Variants in FRS2 observed in about 807,000 individuals in gnomAD.
FRS2 encodes the protein FGFR signalling adaptor.
FRS2 carries 8 observed loss-of-function variants against 43.9 expected under a neutral mutation model. The observed-to-expected ratio is 0.18, with a 90% CI of 0.11 to 0.33. The LOEUF (loss-of-function observed/expected upper bound fraction) is 0.33. Among genes scored for constraint, FRS2 ranks in the 10% least tolerant of loss-of-function variants. The probability of loss-of-function intolerance (pLI) is 1.00; values close to 1 mark genes in which losing one functional copy is unlikely to be tolerated. For missense variants in FRS2, 534 were observed against 627.6 expected, an observed-to-expected ratio of 0.85 and a Z score of 1.59; for synonymous variants, 219 against 220.3, an observed-to-expected ratio of 0.99 and a Z score of 0.05.
chr12:69,489,357 G>C (rs1212373887), intron 1 of FRS2, among the ~76,000 whole-genome samples: 1 of 152,092 alleles, frequency 6.6e-6, no homozygotes, highest in African/African-American at 2.4e-5. Context: ...AAAAATGAGG[G>C]AACATTCCAA....
intron 2 of FRS2, among the ~76,000 whole-genome samples, chr12:69,531,497 T>C (rs945197207): frequency 6.6e-6 from 1 of 152,214 alleles, no homozygotes; most frequent in Non-Finnish European, 1.5e-5. Context: ...TAAATTTGTT[T>C]CGTATGTTTC....
chr12:69,479,590 G>T (rs1363238201), intron 1 of FRS2, among the ~76,000 whole-genome samples: 2 of 151,702 alleles, frequency 1.3e-5, no homozygotes, highest in Non-Finnish European at 2.9e-5. Flanking sequence ...TAGAGATGGG[G>T]TTTCACTATG....
At position 69,574,499 on chromosome 12, in the gene FRS2, T is replaced by G; in HGVS notation, c.1071T>G (p.Pro357=). The G allele has an allele frequency of 6.2e-7, 1 of 1,614,122 alleles. No individual in the cohort carries two copies. Residue 357 remains proline, a synonymous_variant, in exon 9 of 9, where the codon CCT becomes CCG. Transcript: ENST00000549921. ...LNYENLPSLP[P]VWEARKLSRD... ...ATGAAAATCTACCATCTTTGCCTCC[T>G]GTTTGGGAAGCCCGCAAGCTAAGTA...
At chr12:69,511,910 A>G (rs1171993069) in intron 1 of FRS2, among the ~76,000 whole-genome samples, 2 of 152,142 alleles carry the variant, frequency 1.3e-5, no homozygotes, top group African/African-American at 4.8e-5. Context: ...TATACTCTTT[A>G]TCTGTTTAAT....
At chr12:69,572,006 G>A in intron 7 of FRS2, 112 bp from the exon 8 acceptor site, 1 of 666,938 alleles carries the variant, frequency 1.5e-6, no homozygotes, top group Non-Finnish European at 2.5e-6. Context: ...TCTGATTTCT[G>A]CTGTCTTGGC....
intron 1 of FRS2, among the ~76,000 whole-genome samples, chr12:69,511,480 A>G (rs542821773): frequency 2.0e-5 from 3 of 152,302 alleles, no homozygotes; most frequent in Non-Finnish European, 4.4e-5. Context: ...TGTTCATCAA[A>G]CTGTTAATTA....
chr12:69,567,536 AAGAC>A (rs1384985015), intron 4 of FRS2, among the ~76,000 whole-genome samples: 1 of 152,184 alleles, frequency 6.6e-6, no homozygotes, highest in Non-Finnish European at 1.5e-5. Flanking sequence ...TGGAGGAGAA[AAGAC>A]AGATAAACAG....
intron 5 of FRS2, among the ~76,000 whole-genome samples, chr12:69,569,706 T>C (rs1880589343): frequency 6.6e-6 from 1 of 152,158 alleles, no homozygotes; most frequent in African/African-American, 2.4e-5. Context: ...TTTTGTACAG[T>C]GTAGTCTAGG....
chr12:69,485,760 G>A (rs553696079), intron 1 of FRS2, among the ~76,000 whole-genome samples: 46 of 152,300 alleles, frequency 3.0e-4, no homozygotes, highest in African/African-American at 1.1e-3. Context: ...GAGCCACCAT[G>A]CCTGACCTAA....
At chr12:69,529,421 T>G (rs1876572312) in intron 1 of FRS2, among the ~76,000 whole-genome samples, 5 of 151,896 alleles carry the variant, frequency 3.3e-5, no homozygotes, top group South Asian at 2.1e-4. Flanking sequence ...GCCAGAAGTT[T>G]GAGACCAGCC....
At chr12:69,472,210 C>G (rs909077564) in intron 1 of FRS2, among the ~76,000 whole-genome samples, 6 of 151,964 alleles carry the variant, frequency 3.9e-5, no homozygotes, top group Non-Finnish European at 7.4e-5. Context: ...TCTCAGACTC[C>G]TGAGTGGCTA....
chr12:69,533,837 C>A (rs1228447475), intron 3 of FRS2, among the ~76,000 whole-genome samples: 1 of 152,104 alleles, frequency 6.6e-6, no homozygotes, highest in Non-Finnish European at 1.5e-5. Context: ...GATTATAAAC[C>A]AGTATCTTCC....
intron 1 of FRS2, among the ~76,000 whole-genome samples, chr12:69,500,196 G>T (rs1873315085): frequency 6.6e-6 from 1 of 152,038 alleles, no homozygotes; most frequent in Non-Finnish European, 1.5e-5. Flanking sequence ...AATTCTCTGA[G>T]CCTAAATCTG....
In FRS2 at chr12:69,575,116, G is replaced by GC. The variant is rs1417333347; in HGVS notation, c.*162dup. 3.7e-5 allele frequency: 22 copies of GC among 589,262 alleles called. No individual in the cohort carries two copies. In the African/African-American group the frequency reaches 4.1e-4, roughly 11 times the overall value. The allele number at this position is 589,262 out of a possible 1,614,324, so 36.5% of individuals were successfully genotyped here. ...TTTAACTAAAGGGAATTAATGTAGA[G>GC]CAGGTACTCCTTAAAGAACACTAAT... On this transcript the variant is annotated 3_prime_UTR_variant, in exon 9 of 9. Transcript: ENST00000549921.
chr12:69,547,565 T>C (rs1313257260), intron 3 of FRS2, among the ~76,000 whole-genome samples: 1 of 152,194 alleles, frequency 6.6e-6, no homozygotes, highest in Non-Finnish European at 1.5e-5. Context: ...TTAAATCTTA[T>C]TCATAGAAAT....
rs1310985734 is a variant in FRS2 at position 69,478,721 on chromosome 12, AT to A, written c.-261+8193del. On this transcript the variant is annotated intron_variant, in intron 1 of 8. Coordinates refer to ENST00000549921, the MANE Select transcript of FRS2 (RefSeq NM_001278356.2). ...TTTTATTCTTACAAAGACATACATC[AT>A]TATGTGTGTGTGTGTGTGTGTGTGT... Among the ~76,000 whole-genome samples, 65 of 108,764 alleles carry A rather than the reference AT, an allele frequency of 6.0e-4. 1 individual carries two copies. Among genetic ancestry groups the A allele is most frequent in the Admixed American group, 1.2e-3 (12 of 10,222 alleles). 71.4% of individuals were successfully genotyped at this position (108,764 alleles called of 152,430 possible).
Position 69,556,249 on chromosome 12 carries a change from T to G in FRS2, c.-121-5931T>G, listed in dbSNP as rs368839295. On this transcript the variant is annotated intron_variant, in intron 3 of 8. Coordinates refer to ENST00000549921, the MANE Select transcript of FRS2 (RefSeq NM_001278356.2). ...TCTAGTAACATCATATCCAACTGAG[T>G]TTGGAAATACAGATTTATAGTAAAT... is the stretch of plus-strand genomic sequence containing the variant. Among the ~76,000 whole-genome samples the G allele has an allele frequency of 1.1e-4, 16 of 152,276 alleles. 1 individual carries two copies. In the South Asian group the frequency reaches 3.3e-3, roughly 32 times the overall value.
intron 1 of FRS2, among the ~76,000 whole-genome samples, chr12:69,528,623 G>A (rs892946594): frequency 6.6e-6 from 1 of 152,142 alleles, no homozygotes; most frequent in African/African-American, 2.4e-5. Flanking sequence ...CTTTTAAAAG[G>A]AACAGTGTAG....
At position 69,496,206 on chromosome 12, in the gene FRS2, G is replaced by A. The variant is rs534133022; in HGVS notation, c.-261+25676G>A. On this transcript the variant is annotated intron_variant, in intron 1 of 8. Transcript: ENST00000549921. ...AATCCCAGCACTGTGGGAGGCCGAG[G>A]CGGGCGGATCATGAGGTCAGGAGAT... Among the ~76,000 whole-genome samples the A allele has an allele frequency of 2.0e-5, 3 of 152,254 alleles. No homozygotes were observed. In the East Asian group the frequency reaches 5.8e-4, roughly 29 times the overall value.
Sources: allele counts gnomAD v4.1 joint callset (sites outside exome capture counted in the v4.1 genomes callset), GRCh38; gene constraint gnomAD v4.1.1; transcripts MANE v1.5; gene names NCBI Gene and HGNC (gene_info 2026-07-23, HGNC 2026-07-21).